KIAA1671: variants seen among roughly 807,000 people sequenced by gnomAD.
The protein encoded by KIAA1671 is uncharacterized protein KIAA1671.
Under a neutral mutation model 131.2 loss-of-function variants are expected in KIAA1671, and 52 were observed. The ratio of observed to expected loss-of-function variants is 0.40; its 90% CI spans 0.32 to 0.50. KIAA1671 has a LOEUF of 0.50. KIAA1671 is among the 20% of genes least tolerant of loss of function. The pLI, the probability that KIAA1671 is intolerant of heterozygous loss-of-function variation, is 0.73. For missense variants in KIAA1671, 2,360 were observed against 2,364.2 expected (o/e 1.00, Z 0.04); for synonymous variants, 1,003 against 961.6 (o/e 1.04, Z -0.80).
Position 24,978,184 on chromosome 22 carries a change from A to T in KIAA1671, c.-208+25412A>T, listed in dbSNP as rs539143729. On this transcript the variant is annotated intron_variant, in intron 1 of 12. Coordinates refer to ENST00000358431, the MANE Select transcript of KIAA1671 (RefSeq NM_001145206.2). ...ACTCCTATAATTCCCATGTGTTGTG[A>T]GAGGGACCTGGTGGGAGATAATTTG... 2.0e-5 allele frequency among the ~76,000 whole-genome samples: 3 copies of T among 152,216 alleles called. No homozygotes were observed. The South Asian group carries it at 6.2e-4, about 32-fold the overall frequency.
At chr22:25,185,547 G>A (rs115308114) in intron 11 of KIAA1671, 1,687 of 168,250 alleles carry the variant, frequency 0.01, 13 homozygotes, top group Middle Eastern at 0.018. Flanking sequence ...GAATGAGATC[G>A]GTTTCACTCC....
chr22:25,196,830 A>C lies in KIAA1671; in HGVS notation c.*4429A>C, dbSNP rs1051320007. On this transcript the variant is annotated 3_prime_UTR_variant, in exon 13 of 13. Coordinates refer to ENST00000358431, the MANE Select transcript of KIAA1671 (RefSeq NM_001145206.2). ...AGTAATATATTGTGTTATGGAAGATAATTTTGTACTGTGCTGTTTCCTAAA... is the reference window on the plus strand; with the variant it reads ...AGTAATATATTGTGTTATGGAAGATCATTTTGTACTGTGCTGTTTCCTAAA... 2.0e-5 allele frequency: 3 copies of C among 152,124 alleles called. No individual in the cohort carries two copies. The highest frequency in any genetic ancestry group is 7.2e-5 in the African/African-American group (3 of 41,410). The allele number at this position is 152,124 out of a possible 1,614,324, so 9.4% of individuals were successfully genotyped here.
intron 6 of KIAA1671, among the ~76,000 whole-genome samples, chr22:25,159,712 AGTT>A (rs1004550625): frequency 1.6e-4 from 25 of 152,176 alleles, no homozygotes; most frequent in African/African-American, 4.8e-5. Context: ...AGAAAGGTTG[AGTT>A]GTTGTAGCTA....
intron 6 of KIAA1671, among the ~76,000 whole-genome samples, chr22:25,168,945 G>A (rs1933743863): frequency 6.6e-6 from 1 of 152,088 alleles, no homozygotes; most frequent in Admixed American, 6.5e-5. Flanking sequence ...TTCTACGTGA[G>A]GACAATAGGG....
At chr22:25,187,516 ATTG>A (rs1470758198) in intron 11 of KIAA1671, among the ~76,000 whole-genome samples, 1 of 151,410 alleles carries the variant, frequency 6.6e-6, no homozygotes, top group Non-Finnish European at 1.5e-5. Flanking sequence ...TGGTGACTTT[ATTG>A]TTTTTTGTTG....
At chr22:24,967,873 G>T (rs534828485) in intron 1 of KIAA1671, among the ~76,000 whole-genome samples, 1 of 152,204 alleles carries the variant, frequency 6.6e-6, no homozygotes, top group East Asian at 1.9e-4. Flanking sequence ...GGTGCCTGTA[G>T]TCCCAGCTAC....
At chr22:25,014,450 C>T (rs1245371678) in intron 1 of KIAA1671, 1 of 151,764 alleles carries the variant, frequency 6.6e-6, no homozygotes, top group Non-Finnish European at 1.5e-5. Context: ...ACTCTGTCAC[C>T]CAGGCTGGCG....
At chr22:25,088,581 G>GAATTT (rs1929857456) in intron 6 of KIAA1671, among the ~76,000 whole-genome samples, 1 of 152,198 alleles carries the variant, frequency 6.6e-6, no homozygotes, top group Admixed American at 6.5e-5. Flanking sequence ...ACACTGGAGG[G>GAATTT]AATTTAAGTC....
At chr22:25,016,480 A>G (rs367605611) in intron 1 of KIAA1671, among the ~76,000 whole-genome samples, 165 of 152,330 alleles carry the variant, frequency 1.1e-3, no homozygotes, top group African/African-American at 3.9e-3. Context: ...AATCTTAAAA[A>G]TGACAGGAAA....
At chr22:24,955,561 A>T (rs1292879489) in intron 1 of KIAA1671, among the ~76,000 whole-genome samples, 1 of 152,072 alleles carries the variant, frequency 6.6e-6, no homozygotes. Context: ...AGTGGTTTGG[A>T]CTTTATTCCT....
intron 6 of KIAA1671, among the ~76,000 whole-genome samples, chr22:25,099,230 AC>A (rs1206104619): frequency 2.0e-5 from 3 of 152,172 alleles, no homozygotes; most frequent in East Asian, 1.9e-4. Flanking sequence ...ATATGTTACC[AC>A]CACTGGTAAG....
At chr22:25,169,884 T>C (rs1486332020) in intron 6 of KIAA1671, among the ~76,000 whole-genome samples, 1 of 152,230 alleles carries the variant, frequency 6.6e-6, no homozygotes, top group African/African-American at 2.4e-5. Flanking sequence ...TCCACTTCGC[T>C]GGCTGTTTAC....
intron 12 of KIAA1671, 117 bp downstream of exon 12, chr22:25,190,901 T>G: frequency 1.6e-6 from 1 of 623,438 alleles, no homozygotes; most frequent in Non-Finnish European, 2.8e-6. Flanking sequence ...AGAGGCTGTG[T>G]AAGGGGAAGA....
At chr22:25,057,957 T>C (rs921481551) in intron 6 of KIAA1671, 2 of 152,196 alleles carry the variant, frequency 1.3e-5, no homozygotes, top group Non-Finnish European at 2.9e-5. Context: ...CTCCTTTGAA[T>C]AGAATCCATC....
chr22:25,103,038 C>T (rs1930775496), intron 6 of KIAA1671: 1 of 152,406 alleles, frequency 6.6e-6, no homozygotes, highest in African/African-American at 2.4e-5. Flanking sequence ...CAATTGGCAA[C>T]TGGGCAAGCC....
intron 1 of KIAA1671, among the ~76,000 whole-genome samples, chr22:24,959,440 T>C (rs926666642): frequency 6.6e-6 from 1 of 152,108 alleles, no homozygotes; most frequent in Non-Finnish European, 1.5e-5. Context: ...TGAGAATCAC[T>C]TGAACCTGGG....
At chr22:25,173,173 C>A (rs1275781847) in intron 7 of KIAA1671, among the ~76,000 whole-genome samples, 1 of 152,154 alleles carries the variant, frequency 6.6e-6, no homozygotes, top group Non-Finnish European at 1.5e-5. Context: ...TGAGAGCTCA[C>A]TCACTATCAT....
intron 6 of KIAA1671, among the ~76,000 whole-genome samples, chr22:25,116,463 C>G (rs1021587625): frequency 5.9e-5 from 9 of 151,876 alleles, no homozygotes; most frequent in Non-Finnish European, 1.2e-4. Flanking sequence ...GCTCTGTCCC[C>G]TAGGCTGGAG....
At chr22:25,035,482 G>A (rs1188765461) in intron 4 of KIAA1671, among the ~76,000 whole-genome samples, 9 of 152,170 alleles carry the variant, frequency 5.9e-5, no homozygotes, top group East Asian at 1.9e-4. Flanking sequence ...TTTCAAGCTT[G>A]TACCCATCTC....
Sources: gnomAD v4.1 joint callset for allele counts (sites outside exome capture counted in the v4.1 genomes callset) on GRCh38, gnomAD v4.1.1 for gene constraint, MANE v1.5 for transcripts, NCBI Gene and HGNC (gene_info 2026-07-23, HGNC 2026-07-21) for gene names.